PAFAH2: variants seen among roughly 807,000 people sequenced by gnomAD.
PAFAH2 encodes the protein platelet activating factor acetylhydrolase 2, also known as platelet-activating factor acetylhydrolase 2, cytoplasmic.
In PAFAH2, 42 loss-of-function variants were observed where a neutral mutation model predicts 49.0. The observed-to-expected ratio is 0.86, with a 90% CI of 0.67 to 1.11. The LOEUF is 1.11. Ranked by LOEUF, PAFAH2 falls within the 50% of genes least tolerant of loss-of-function variation. PAFAH2 has a pLI of 0.00. For missense variants in PAFAH2, 503 were observed against 501.8 expected (o/e 1.00, Z -0.02); for synonymous variants, 184 against 181.3 (o/e 1.01, Z -0.12).
chr1:25,988,141 T>TC (rs2049811204), intron 4 of PAFAH2, 90 bp downstream of exon 4: 2 of 781,648 alleles, frequency 2.6e-6, no homozygotes, highest in Non-Finnish European at 2.1e-6. Context: ...GATGGAAATG[T>TC]CTTTTTTTTG....
At chr1:25,990,968 A>G (rs2049864328) in intron 1 of PAFAH2, 105 bp from the exon 2 acceptor site, 1 of 595,306 alleles carries the variant, frequency 1.7e-6, no homozygotes, top group Non-Finnish European at 3.0e-6. Flanking sequence ...TTAGCACCTC[A>G]TCCTCCCTGC....
At chr1:25,968,164 CTAAATAAA>C (rs559299730) in intron 10 of PAFAH2, among the ~76,000 whole-genome samples, 62 of 150,968 alleles carry the variant, frequency 4.1e-4, no homozygotes, top group South Asian at 4.2e-4. Flanking sequence ...AGACTCTGTC[CTAAATAAA>C]TAAATAAATA....
chr1:25,968,794 A>G (rs1156430252), intron 10 of PAFAH2, among the ~76,000 whole-genome samples: 3 of 152,094 alleles, frequency 2.0e-5, no homozygotes, highest in South Asian at 2.1e-4. Context: ...CAGTGGCACA[A>G]TCACAGCTCA....
In PAFAH2 at chr1:25,961,953, C is replaced by A; in HGVS notation, c.*36G>T. 2 of 1,554,144 alleles carry A rather than the reference C, an allele frequency of 1.3e-6. No homozygotes were observed. The highest frequency in any genetic ancestry group is 1.8e-6 in the Non-Finnish European group (2 of 1,127,886). ...CCCTTGGGTAGCTCCCAAATGAAAA[C>A]TTGGCTGAAGTGACTTTACAAATGG... On this transcript the variant is annotated 3_prime_UTR_variant, in exon 11 of 11. Coordinates refer to ENST00000374282, the MANE Select transcript of PAFAH2 (RefSeq NM_000437.4).
At chr1:25,972,803 T>C in intron 9 of PAFAH2, 91 bp from the exon 10 acceptor site, 2 of 1,280,126 alleles carry the variant, frequency 1.6e-6, no homozygotes, top group Non-Finnish European at 2.2e-6. Flanking sequence ...GTGCTTTTCA[T>C]GTATTATCAC....
At chr1:25,991,663 C>T (rs551352392) in intron 1 of PAFAH2, among the ~76,000 whole-genome samples, 178 of 149,326 alleles carry the variant, frequency 1.2e-3, no homozygotes, top group African/African-American at 4.2e-3. Flanking sequence ...GAGGTCGAGG[C>T]GGGCAGATCA....
rs1020079848 is a variant in PAFAH2 at position 25,971,393 on chromosome 1, T to G, written c.1084+1165A>C. 3.3e-5 allele frequency among the ~76,000 whole-genome samples: 5 copies of G among 151,906 alleles called. No individual in the cohort carries two copies. The South Asian group carries it at 1.0e-3, about 32-fold the overall frequency. On this transcript the variant is annotated intron_variant, in intron 10 of 10. Transcript: ENST00000374282. ...TCCAAAAAAATATGGCAGTGAGCAG[T>G]GGGAGCTGAAGATGAAAGGATGCCG... is the stretch of plus-strand genomic sequence containing the variant.
At chr1:25,979,319 CTT>C (rs68030738) in intron 7 of PAFAH2, among the ~76,000 whole-genome samples, 9 of 62,170 alleles carry the variant, frequency 1.4e-4, no homozygotes, top group African/African-American at 2.6e-4. Context: ...TTACCAATGC[CTT>C]TTTTTTTTTT....
In PAFAH2 at chr1:25,966,810, T is replaced by A. The variant is rs183310593; in HGVS notation, c.1085-4727A>T. On this transcript the variant is annotated intron_variant, in intron 10 of 10. Coordinates refer to ENST00000374282, the MANE Select transcript of PAFAH2 (RefSeq NM_000437.4). ...ACTTTGGGAGGCCAACACAGGCAGATCACAAGGTCAGGAGATCAAGACCAT... is the reference window on the plus strand; with the variant it reads ...ACTTTGGGAGGCCAACACAGGCAGAACACAAGGTCAGGAGATCAAGACCAT... 2.0e-5 allele frequency among the ~76,000 whole-genome samples: 3 copies of A among 152,032 alleles called. No homozygotes were observed. In the East Asian group the frequency reaches 5.8e-4, roughly 29 times the overall value.
In PAFAH2 at chr1:25,960,096, G is replaced by A. The variant is rs2049317592; in HGVS notation, c.*1893C>T. On this transcript the variant is annotated 3_prime_UTR_variant, in exon 11 of 11. Transcript: ENST00000374282. ...TGCTCAAATTTACCCAGTTGGCAGT[G>A]GTGGAGCCAGGACTCAAAACCAGGC... is the stretch of plus-strand genomic sequence containing the variant. 6.6e-6 allele frequency: 1 copy of A among 151,852 alleles called. No homozygotes were observed. Among genetic ancestry groups the A allele is most frequent in the Non-Finnish European group, 1.5e-5 (1 of 67,886 alleles). The allele number at this position is 151,852 out of a possible 1,614,324, so 9.4% of individuals were successfully genotyped here. A position where few individuals can be genotyped will look rare whatever the true frequency, so the allele number is the denominator to read the frequency against.
At position 25,989,606 on chromosome 1, in the gene PAFAH2, A is replaced by G; in HGVS notation, c.91-5T>C. The G allele has an allele frequency of 6.4e-7, 1 of 1,552,838 alleles. No homozygotes were observed. The highest frequency in any genetic ancestry group is 2.0e-5 in the Admixed American group (1 of 48,988). On this transcript the variant is annotated splice_region_variant and splice_polypyrimidine_tract_variant and intron_variant, in intron 2 of 10. Coordinates refer to ENST00000374282, the MANE Select transcript of PAFAH2 (RefSeq NM_000437.4). ...GAAGAGTCGAAAGAAGCTCCCCTGT[A>G]GGAAAGAAGAGAGCAGCTGCTCAGA...
intron 10 of PAFAH2, among the ~76,000 whole-genome samples, chr1:25,966,534 C>G (rs755679631): frequency 6.6e-6 from 1 of 152,058 alleles, no homozygotes; most frequent in Non-Finnish European, 1.5e-5. Context: ...AATGCTGTAC[C>G]GAATGCTGTC....
chr1:25,972,427 C>T, intron 10 of PAFAH2, 131 bp downstream of exon 10: 1 of 1,002,640 alleles, frequency 1.0e-6, no homozygotes, highest in Non-Finnish European at 1.5e-6. Context: ...ATGTAAGTCT[C>T]TCCTTCACTC....
Position 25,977,691 on chromosome 1 carries a change from G to C in PAFAH2, c.667-918C>G, listed in dbSNP as rs1240634596. ...AAAAAAAATCTATGAAGAAATGAAT[G>C]GCTCGAAATGGTCAGATTCCACACT... On this transcript the variant is annotated intron_variant, in intron 7 of 10. Coordinates refer to ENST00000374282, the MANE Select transcript of PAFAH2 (RefSeq NM_000437.4). Among the ~76,000 whole-genome samples the C allele has an allele frequency of 2.0e-5, 3 of 151,236 alleles. No individual in the cohort carries two copies. In the East Asian group the frequency reaches 5.9e-4, roughly 30 times the overall value.
rs957000677 is a variant in PAFAH2, at chr1:25,969,779, C to T, written c.1084+2779G>A. ...GTATTGCTTTTAAAGGGAGCCCAAT[C>T]GTGCCATGGTGGGCTTCCCATCATC... On this transcript the variant is annotated intron_variant, in intron 10 of 10. Coordinates refer to ENST00000374282, the MANE Select transcript of PAFAH2 (RefSeq NM_000437.4). 2.0e-5 allele frequency among the ~76,000 whole-genome samples: 3 copies of T among 152,266 alleles called. No homozygotes were observed. The East Asian group carries it at 5.8e-4, about 30-fold the overall frequency.
At position 25,974,529 on chromosome 1, in the gene PAFAH2, T is replaced by A. The variant is rs2049558605; in HGVS notation, c.880A>T (p.Met294Leu). Residue 294 changes from methionine to leucine, a missense_variant, in exon 9 of 11, where the codon ATG becomes TTG. Coordinates refer to ENST00000374282, the MANE Select transcript of PAFAH2 (RefSeq NM_000437.4). The part of the protein sequence containing the change: ...KFQTMESVNL[M>L]KKICAQHEQS... ...TCATGCTGGGCACATATCTTCTTCATCAAATTGACACTCTCCATTGTCTGG... is the reference window on the plus strand; with the variant it reads ...TCATGCTGGGCACATATCTTCTTCAACAAATTGACACTCTCCATTGTCTGG... The A allele has an allele frequency of 6.2e-7, 1 of 1,613,974 alleles. No homozygotes were observed. Among genetic ancestry groups the A allele is most frequent in the African/African-American group, 1.3e-5 (1 of 74,896 alleles).
rs2124334226 is a variant in PAFAH2 at position 25,974,602 on chromosome 1, A to G, written c.807T>C (p.Phe269=). ...ACACAGGTCCTCGGGCCTTGGGGTA[A>G]AAGTCACGTTCCAGAGGAAACATCC... ...DAWMFPLERD[F]YPKARGPVFF... The change falls in exon 9 of 11, where the codon TTT becomes TTC. Residue 269 remains phenylalanine, a synonymous_variant. Transcript: ENST00000374282. 1.2e-6 allele frequency: 2 copies of G among 1,614,128 alleles called. No individual in the cohort carries two copies. The highest frequency in any genetic ancestry group is 4.5e-5 in the East Asian group (2 of 44,886).
chr1:25,988,207 G>A, intron 4 of PAFAH2, 24 bp downstream of exon 4: 2 of 1,496,260 alleles, frequency 1.3e-6, no homozygotes, highest in Non-Finnish European at 1.8e-6. Context: ...AGTATGGCAA[G>A]GTCTGGGGGA....
intron 10 of PAFAH2, 95 bp downstream of exon 10, chr1:25,972,463 C>T (rs1429114990): frequency 7.9e-6 from 11 of 1,383,756 alleles, no homozygotes; most frequent in Non-Finnish European, 1.1e-5. Context: ...CATAAATCTC[C>T]TTCCCAGATC....
Sources: allele counts gnomAD v4.1 joint callset (sites outside exome capture counted in the v4.1 genomes callset), GRCh38; gene constraint gnomAD v4.1.1; transcripts MANE v1.5; gene names NCBI Gene and HGNC (gene_info 2026-07-23, HGNC 2026-07-21).